The following NRXN3 variants were observed in gnomAD, a reference collection of about 807,000 sequenced individuals.
NRXN3 encodes neurexin 3.
NRXN3 carries 32 observed loss-of-function variants against 137.6 expected under a neutral mutation model. That is an observed-to-expected ratio of 0.23 (90% CI 0.18 to 0.31). The LOEUF is 0.31. Among genes scored for constraint, NRXN3 ranks in the 10% least tolerant of loss-of-function variants. The probability of loss-of-function intolerance (pLI) is 1.00; values close to 1 mark genes in which losing one functional copy is unlikely to be tolerated. For missense variants in NRXN3, 1,574 were observed against 2,062.5 expected (o/e 0.76, Z 4.59); for synonymous variants, 798 against 784.5 (o/e 1.02, Z -0.29).
At chr14:78,564,281 A>G (rs2096816600) in intron 4 of NRXN3, among the ~76,000 whole-genome samples, 1 of 152,132 alleles carries the variant, frequency 6.6e-6, no homozygotes. Flanking sequence ...CCCTCCTCCT[A>G]TTCCCGCCTC....
intron 10 of NRXN3, among the ~76,000 whole-genome samples, chr14:78,888,330 T>C (rs1032293832): frequency 6.6e-6 from 1 of 152,000 alleles, no homozygotes; most frequent in African/African-American, 2.4e-5. Flanking sequence ...GACAGCAAAT[T>C]ATTGAATTCT....
At chr14:78,548,977 A>T (rs1229909378) in intron 4 of NRXN3, among the ~76,000 whole-genome samples, 1 of 152,142 alleles carries the variant, frequency 6.6e-6, no homozygotes, top group Non-Finnish European at 1.5e-5. Flanking sequence ...CATCTGCCCC[A>T]ACGAAATCAG....
chr14:79,533,643 T>C (rs1201605307), intron 16 of NRXN3, among the ~76,000 whole-genome samples: 1 of 152,140 alleles, frequency 6.6e-6, no homozygotes, highest in African/African-American at 2.4e-5. Flanking sequence ...AGTAAACCCA[T>C]GTTCTATTCA....
At chr14:79,827,372 A>G (rs1437618919) in intron 20 of NRXN3, among the ~76,000 whole-genome samples, 1 of 152,212 alleles carries the variant, frequency 6.6e-6, no homozygotes, top group Non-Finnish European at 1.5e-5. Flanking sequence ...CTTGCAAAAA[A>G]TTCTGAACAT....
At chr14:78,993,456 TATAGTAC>T (rs1302521322) in intron 15 of NRXN3, among the ~76,000 whole-genome samples, 1 of 152,198 alleles carries the variant, frequency 6.6e-6, no homozygotes, top group Non-Finnish European at 1.5e-5. Flanking sequence ...GATATCATAG[TATAGTAC>T]ATCCATGTTT....
intron 16 of NRXN3, among the ~76,000 whole-genome samples, chr14:79,593,619 A>G: frequency 7.7e-6 from 1 of 129,100 alleles, no homozygotes; most frequent in Non-Finnish European, 1.6e-5. Context: ...CTACGGAGCG[A>G]GACTCCGTCT....
intron 19 of NRXN3, among the ~76,000 whole-genome samples, chr14:79,792,446 TTTAG>T (rs1405473882): frequency 6.6e-6 from 1 of 152,228 alleles, no homozygotes; most frequent in Non-Finnish European, 1.5e-5. Flanking sequence ...CTCTGCTGTA[TTTAG>T]TTATTTTTTG....
intron 8 of NRXN3, among the ~76,000 whole-genome samples, chr14:78,746,717 C>G (rs1239244227): frequency 2.0e-5 from 3 of 152,208 alleles, no homozygotes; most frequent in African/African-American, 7.2e-5. Flanking sequence ...ATGCTCACTT[C>G]TACTTGTGCA....
intron 10 of NRXN3, among the ~76,000 whole-genome samples, chr14:78,839,091 C>T (rs1386720452): frequency 6.6e-6 from 1 of 152,082 alleles, no homozygotes; most frequent in Non-Finnish European, 1.5e-5. Flanking sequence ...AATAAATGTA[C>T]TGGTGCAAAG....
chr14:78,375,204 C>T (rs183065771), intron 4 of NRXN3, among the ~76,000 whole-genome samples: 7 of 152,306 alleles, frequency 4.6e-5, no homozygotes, highest in Admixed American at 1.3e-4. Flanking sequence ...CTCACTCTTT[C>T]GCTGTTAAAG....
At chr14:79,830,867 G>C (rs2242648) in intron 20 of NRXN3, among the ~76,000 whole-genome samples, 84,466 of 150,744 alleles carry the variant, frequency 0.56, 23,499 homozygotes, top group South Asian at 0.64. Flanking sequence ...TTGGTGCAAG[G>C]CTCTGTTAAT....
intron 19 of NRXN3, among the ~76,000 whole-genome samples, chr14:79,798,272 T>C (rs141946806): frequency 0.023 from 3,528 of 152,230 alleles, 50 homozygotes; most frequent in Middle Eastern, 0.031. Context: ...AGTCAATAGG[T>C]ATTAGGTAAT....
chr14:79,194,863 C>T (rs57063806), intron 15 of NRXN3, among the ~76,000 whole-genome samples: 5,248 of 152,210 alleles, frequency 0.034, 225 homozygotes, highest in East Asian at 0.21. Context: ...CAGCTTCTGC[C>T]TGTAAGATAT....
At chr14:79,254,525 A>G (rs976728677) in intron 15 of NRXN3, among the ~76,000 whole-genome samples, 1 of 152,144 alleles carries the variant, frequency 6.6e-6, no homozygotes. Context: ...TTGTATTTCT[A>G]GTTTCTTTCA....
intron 15 of NRXN3, among the ~76,000 whole-genome samples, chr14:79,164,239 A>G (rs568625820): frequency 2.7e-4 from 41 of 152,024 alleles, no homozygotes; most frequent in Non-Finnish European, 5.0e-4. Flanking sequence ...TAGCATACAT[A>G]AACATATCTG....
chr14:78,916,235 A>G (rs2099255080), intron 10 of NRXN3, among the ~76,000 whole-genome samples: 2 of 152,188 alleles, frequency 1.3e-5, no homozygotes, highest in African/African-American at 4.8e-5. Context: ...ACCCAAACAT[A>G]TGGTCAACCT....
chr14:79,539,797 G>A (rs1240677650), intron 16 of NRXN3, among the ~76,000 whole-genome samples: 1 of 152,166 alleles, frequency 6.6e-6, no homozygotes, highest in Admixed American at 6.5e-5. Flanking sequence ...CACATTCTGT[G>A]TTTTTTCTCT....
chr14:79,141,560 T>G (rs1254321230), intron 15 of NRXN3, among the ~76,000 whole-genome samples: 18 of 152,220 alleles, frequency 1.2e-4, no homozygotes, highest in Admixed American at 1.2e-3. Context: ...ACCTGACTTC[T>G]CTTTGGCTCA....
At chr14:78,179,999 C>T (rs971050019) in intron 1 of NRXN3, among the ~76,000 whole-genome samples, 2 of 152,098 alleles carry the variant, frequency 1.3e-5, no homozygotes, top group East Asian at 1.9e-4. Context: ...GCATGTGCCA[C>T]GACATCCAGC....
Sources: gnomAD v4.1 joint callset for allele counts (sites outside exome capture counted in the v4.1 genomes callset) on GRCh38, gnomAD v4.1.1 for gene constraint, MANE v1.5 for transcripts, NCBI Gene and HGNC (gene_info 2026-07-23, HGNC 2026-07-21) for gene names.